The following PRKCE variants were observed in gnomAD, a reference collection of about 807,000 sequenced individuals.
PRKCE encodes protein kinase C epsilon type.
Under a neutral mutation model 85.4 loss-of-function variants are expected in PRKCE, and 16 were observed. The observed-to-expected ratio is 0.19, with a 90% CI of 0.13 to 0.28. The LOEUF (loss-of-function observed/expected upper bound fraction) is 0.28. Among genes scored for constraint, PRKCE ranks in the 10% least tolerant of loss-of-function variants. PRKCE has a pLI of 1.00. For missense variants in PRKCE, 573 were observed against 975.2 expected (o/e 0.59, Z 5.49); for synonymous variants, 388 against 371.5 (o/e 1.04, Z -0.51).
intron 11 of PRKCE, among the ~76,000 whole-genome samples, chr2:46,117,057 G>A (rs571194739): frequency 6.6e-6 from 1 of 152,328 alleles, no homozygotes; most frequent in South Asian, 2.1e-4. Flanking sequence ...ATGTTTCAAG[G>A]AAAGTGAAGA....
intron 2 of PRKCE, among the ~76,000 whole-genome samples, chr2:45,926,380 G>A (rs1192605056): frequency 6.6e-6 from 1 of 152,188 alleles, no homozygotes; most frequent in Non-Finnish European, 1.5e-5. Flanking sequence ...TACACAGCAA[G>A]TCGAGGAGGA....
chr2:45,735,486 TCTGTACCCAGG>T (rs1214716147), intron 1 of PRKCE, among the ~76,000 whole-genome samples: 1 of 152,254 alleles, frequency 6.6e-6, no homozygotes, highest in East Asian at 1.9e-4. Context: ...ATTTGACTTT[TCTGTACCCAGG>T]CTCCATCACC....
In PRKCE at chr2:45,992,892, C is replaced by T. The variant is rs73926144; in HGVS notation, c.823+8212C>T. ...CCCAGACAACACTGCTGCTGCTGCA[C>T]CACCCAGCACATAGTAGGTCCTCAA... On this transcript the variant is annotated intron_variant, in intron 6 of 14. Coordinates refer to ENST00000306156, the MANE Select transcript of PRKCE (RefSeq NM_005400.3). 5.0e-3 allele frequency among the ~76,000 whole-genome samples: 720 copies of T among 143,842 alleles called. 6 individuals are homozygous for T. The highest frequency in any genetic ancestry group is 0.018 in the African/African-American group (682 of 37,886). 94.4% of individuals were successfully genotyped at this position (143,842 alleles called of 152,430 possible).
In PRKCE at chr2:45,806,658, C is replaced by T. The variant is rs1379173309; in HGVS notation, c.349-36342C>T. 2.0e-5 allele frequency among the ~76,000 whole-genome samples: 3 copies of T among 152,216 alleles called. No homozygotes were observed. In the East Asian group the frequency reaches 5.8e-4, roughly 29 times the overall value. ...TCTATGAATGTGACTACTGTAGGAC[C>T]TCGTGTAAGTGGATCATACAGTACA... On this transcript the variant is annotated intron_variant, in intron 1 of 14. Transcript: ENST00000306156.
chr2:45,985,320 A>G (rs1230732655), intron 6 of PRKCE, among the ~76,000 whole-genome samples: 2 of 152,198 alleles, frequency 1.3e-5, no homozygotes, highest in Non-Finnish European at 1.5e-5. Flanking sequence ...CAGCGCACTC[A>G]GATGATGATG....
At chr2:46,115,264 A>G (rs1029473660) in intron 11 of PRKCE, among the ~76,000 whole-genome samples, 4 of 152,214 alleles carry the variant, frequency 2.6e-5, no homozygotes, top group African/African-American at 9.7e-5. Context: ...CTGCATTTCC[A>G]TAGGACAGAC....
chr2:45,759,520 T>C (rs528878181), intron 1 of PRKCE, among the ~76,000 whole-genome samples: 1 of 152,354 alleles, frequency 6.6e-6, no homozygotes, highest in Non-Finnish European at 1.5e-5. Context: ...CCTGAGCTCC[T>C]GCAGGAAGCA....
intron 11 of PRKCE, among the ~76,000 whole-genome samples, chr2:46,098,333 C>A (rs1184075002): frequency 6.6e-6 from 1 of 152,136 alleles, no homozygotes. Flanking sequence ...CCCCCCAACC[C>A]ACACAGAAAT....
intron 2 of PRKCE, among the ~76,000 whole-genome samples, chr2:45,888,837 C>T (rs1192832273): frequency 6.6e-6 from 1 of 152,142 alleles, no homozygotes; most frequent in Non-Finnish European, 1.5e-5. Flanking sequence ...TTTCAATAGC[C>T]TCCATCAGGA....
intron 1 of PRKCE, among the ~76,000 whole-genome samples, chr2:45,684,699 G>A (rs1250361887): frequency 6.6e-6 from 1 of 152,192 alleles, no homozygotes; most frequent in Non-Finnish European, 1.5e-5. Flanking sequence ...ACTGCACCTC[G>A]ATTTTCATTT....
chr2:46,180,606 A>T lies in PRKCE; in HGVS notation c.2068-4129A>T, dbSNP rs561336891. On this transcript the variant is annotated intron_variant, in intron 14 of 14. Transcript: ENST00000306156. ...ATACCATGCACTGTGTTGGGAAACA[A>T]CCAAGCTGTGCATGATGCATGCCCA... Among the ~76,000 whole-genome samples the T allele has an allele frequency of 3.9e-5, 6 of 152,332 alleles. No individual in the cohort carries two copies. The East Asian group carries it at 1.2e-3, about 29-fold the overall frequency.
chr2:45,981,425 T>C (rs1702881968), intron 5 of PRKCE, among the ~76,000 whole-genome samples: 1 of 152,166 alleles, frequency 6.6e-6, no homozygotes, highest in Admixed American at 6.5e-5. Context: ...TCTTAATAAT[T>C]GAGTCAAATA....
chr2:46,140,997 T>C (rs71422197), intron 11 of PRKCE, among the ~76,000 whole-genome samples: 11 of 152,156 alleles, frequency 7.2e-5, no homozygotes, highest in African/African-American at 1.2e-4. Context: ...TAATATACCA[T>C]GTTGGGAAAG....
chr2:46,077,720 T>C (rs1044859559), intron 10 of PRKCE, among the ~76,000 whole-genome samples: 4 of 152,178 alleles, frequency 2.6e-5, no homozygotes, highest in Non-Finnish European at 4.4e-5. Context: ...TCACTAAAAA[T>C]AATTATTACT....
chr2:45,967,295 A>G (rs1701796854), intron 2 of PRKCE, among the ~76,000 whole-genome samples: 1 of 152,182 alleles, frequency 6.6e-6, no homozygotes, highest in Non-Finnish European at 1.5e-5. Context: ...GTGAAATTCA[A>G]CAATCACCAT....
chr2:45,787,217 C>T (rs532731654), intron 1 of PRKCE, among the ~76,000 whole-genome samples: 1 of 152,206 alleles, frequency 6.6e-6, no homozygotes, highest in African/African-American at 2.4e-5. Context: ...GAGCTGAGTG[C>T]AGGCTCGGAA....
intron 1 of PRKCE, among the ~76,000 whole-genome samples, chr2:45,793,119 C>T (rs1421076625): frequency 6.6e-6 from 1 of 152,192 alleles, no homozygotes; most frequent in Non-Finnish European, 1.5e-5. Flanking sequence ...ATTTGCCCTT[C>T]CTTGTTCCAG....
chr2:45,738,815 A>G (rs1280606548), intron 1 of PRKCE, among the ~76,000 whole-genome samples: 1 of 152,252 alleles, frequency 6.6e-6, no homozygotes, highest in African/African-American at 2.4e-5. Context: ...ATGTTTCTAG[A>G]GACTGAAATA....
At chr2:46,048,097 GC>G (rs149856324) in intron 10 of PRKCE, among the ~76,000 whole-genome samples, 15,882 of 152,106 alleles carry the variant, frequency 0.1, 1,170 homozygotes, top group African/African-American at 0.21. Context: ...AAATGAGCCT[GC>G]CTGCCACCCC....
Sources: allele counts gnomAD v4.1 joint callset (sites outside exome capture counted in the v4.1 genomes callset), GRCh38; gene constraint gnomAD v4.1.1; transcripts MANE v1.5; gene names NCBI Gene and HGNC (gene_info 2026-07-23, HGNC 2026-07-21).